FAT4: variants seen among roughly 807,000 people sequenced by gnomAD.
FAT4 encodes FAT atypical cadherin 4, also known as protocadherin Fat 4.
Under a neutral mutation model 303.9 loss-of-function variants are expected in FAT4, and 84 were observed. That is an observed-to-expected ratio of 0.28 (90% confidence interval 0.23 to 0.33). The LOEUF is 0.33. FAT4 is among the 10% of genes least tolerant of loss of function. The probability of loss-of-function intolerance (pLI) is 1.00; values close to 1 mark genes in which losing one functional copy is unlikely to be tolerated. For synonymous variants in FAT4, 2,307 were observed against 2,298.8 expected (o/e 1.00, Z -0.10); for missense variants, 6,005 against 6,146.8 (o/e 0.98, Z 0.77).
intron 2 of FAT4, among the ~76,000 whole-genome samples, chr4:125,395,446 A>T (rs2126010174): frequency 6.6e-6 from 1 of 152,106 alleles, no homozygotes; most frequent in Middle Eastern, 3.4e-3. Flanking sequence ...AGTAGCTGGG[A>T]TTACAGGTGC....
intron 11 of FAT4, among the ~76,000 whole-genome samples, chr4:125,465,158 A>G (rs1726619196): frequency 6.6e-6 from 1 of 152,220 alleles, no homozygotes; most frequent in Non-Finnish European, 1.5e-5. Context: ...AAGTTGAGGC[A>G]AAACTACCCC....
chr4:125,487,774 A>C (rs1037645941), intron 17 of FAT4, among the ~76,000 whole-genome samples, 168 bp downstream of exon 17: 6 of 152,246 alleles, frequency 3.9e-5, no homozygotes, highest in African/African-American at 1.2e-4. Flanking sequence ...TGATAATATC[A>C]ATTATAAATA....
At chr4:125,373,848 T>C (rs1733215821) in intron 2 of FAT4, among the ~76,000 whole-genome samples, 1 of 152,198 alleles carries the variant, frequency 6.6e-6, no homozygotes, top group African/African-American at 2.4e-5. Flanking sequence ...TAAAAATTAA[T>C]TGAGGGCAAG....
At chr4:125,454,244 G>A (rs1413000993) in intron 10 of FAT4, among the ~76,000 whole-genome samples, 1 of 152,110 alleles carries the variant, frequency 6.6e-6, no homozygotes, top group Non-Finnish European at 1.5e-5. Flanking sequence ...GTATACTGAT[G>A]GTTTTATATT....
At chr4:125,338,072 A>G (rs1303415592) in intron 2 of FAT4, among the ~76,000 whole-genome samples, 4 of 152,182 alleles carry the variant, frequency 2.6e-5, no homozygotes, top group Non-Finnish European at 5.9e-5. Context: ...TTGCCAGGAT[A>G]TAACATTGAG....
At position 125,317,232 on chromosome 4, in the gene FAT4, C is replaced by T. The variant is rs199605036; in HGVS notation, c.821C>T (p.Ala274Val). Reference protein sequence around the residue: ...VVGSSVLQVAAADADEGTNAD... With the variant: ...VVGSSVLQVAVADADEGTNAD... ...GGTTCCAGCGTCCTCCAGGTGGCGG[C>T]GGCGGACGCGGACGAGGGCACCAAC... is the stretch of plus-strand genomic sequence containing the variant. The change falls in exon 2 of 18, where the codon GCG (alanine) becomes GTG (valine). Residue 274 changes from alanine to valine, a missense_variant. Coordinates refer to ENST00000394329, the MANE Select transcript of FAT4 (RefSeq NM_001291303.3). This position sits in a 1 kb window ranked among gnomAD's most constrained non-coding sequence, Gnocchi z 7.0. 8.7e-5 allele frequency: 137 copies of T among 1,579,040 alleles called. No homozygotes were observed. The highest frequency in any genetic ancestry group is 1.1e-4 in the Non-Finnish European group (128 of 1,160,076).
intron 16 of FAT4, among the ~76,000 whole-genome samples, chr4:125,484,060 TACACACACACAC>T (rs34883833): frequency 2.9e-5 from 4 of 138,160 alleles, no homozygotes; most frequent in South Asian, 2.4e-4. Flanking sequence ...CAGACACACA[TACACACACACAC>T]ACACACACAC....
chr4:125,414,855 A>T, intron 5 of FAT4, 29 bp from the exon 6 acceptor site: 1 of 1,515,158 alleles, frequency 6.6e-7, no homozygotes, highest in Non-Finnish European at 9.0e-7. Context: ...CATATGTTTA[A>T]GAAAATTTTT....
At chr4:125,416,696 A>C in intron 7 of FAT4, 74 bp downstream of exon 7, 3 of 1,508,016 alleles carry the variant, frequency 2.0e-6, no homozygotes, top group South Asian at 2.5e-5. Flanking sequence ...CTGTAACCCC[A>C]GCACTTTGGG....
intron 7 of FAT4, among the ~76,000 whole-genome samples, chr4:125,419,171 A>T (rs1735185855): frequency 6.6e-6 from 1 of 152,220 alleles, no homozygotes; most frequent in South Asian, 2.1e-4. Context: ...TCAAATAGAT[A>T]AAAAGGAATA....
At chr4:125,349,080 G>T (rs1402212326) in intron 2 of FAT4, among the ~76,000 whole-genome samples, 1 of 151,616 alleles carries the variant, frequency 6.6e-6, no homozygotes, top group Non-Finnish European at 1.5e-5. Context: ...TTATCCAGAG[G>T]GGTTTAGAAG....
At chr4:125,459,628 C>T (rs1178140521) in intron 10 of FAT4, among the ~76,000 whole-genome samples, 1 of 152,010 alleles carries the variant, frequency 6.6e-6, no homozygotes, top group East Asian at 1.9e-4. Flanking sequence ...GCTGCTATGG[C>T]AGTAAACATA....
intron 2 of FAT4, among the ~76,000 whole-genome samples, chr4:125,376,091 T>G (rs1733302625): frequency 6.6e-6 from 1 of 152,248 alleles, no homozygotes; most frequent in Non-Finnish European, 1.5e-5. Context: ...ATCTAGCTAT[T>G]GCTGTGAATT....
intron 2 of FAT4, among the ~76,000 whole-genome samples, chr4:125,364,832 C>A (rs1392375153): frequency 6.6e-6 from 1 of 151,852 alleles, no homozygotes; most frequent in Non-Finnish European, 1.5e-5. Context: ...GTTCTCATAC[C>A]AAAATGAGAA....
rs764347192 is a variant in FAT4, at chr4:125,415,498, G to T, written c.6535G>T (p.Ala2179Ser). The T allele has an allele frequency of 3.1e-6, 5 of 1,613,994 alleles. No individual in the cohort carries two copies. In the African/African-American group the frequency reaches 6.7e-5, roughly 22 times the overall value. The change falls in exon 6 of 18, where the codon GCA becomes TCA. Residue 2179 changes from alanine to serine, a missense_variant. Transcript: ENST00000394329. ...AACAGATATAATACAAGTGTTCGCA[G>T]CAGATGGAGATGAAGGCACAAATGG... Reference protein sequence around the residue: ...TGTDIIQVFAADGDEGTNGQV... With the variant: ...TGTDIIQVFASDGDEGTNGQV...
chr4:125,475,908 A>G (rs1355062293), intron 12 of FAT4, among the ~76,000 whole-genome samples: 2 of 152,102 alleles, frequency 1.3e-5, no homozygotes, highest in African/African-American at 4.8e-5. Context: ...TTTCACCTAT[A>G]AAACAGGGGA....
chr4:125,455,150 A>G (rs2126064585), intron 10 of FAT4, among the ~76,000 whole-genome samples: 1 of 152,314 alleles, frequency 6.6e-6, no homozygotes, highest in Non-Finnish European at 1.5e-5. Context: ...TTTATATTCT[A>G]CATTAGTCTA....
chr4:125,491,213 A>G lies in FAT4; in HGVS notation c.14397A>G (p.Thr4799=), dbSNP rs765611120. The G allele has an allele frequency of 1.9e-6, 3 of 1,613,954 alleles. No homozygotes were observed. Among genetic ancestry groups the G allele is most frequent in the Non-Finnish European group, 2.5e-6 (3 of 1,179,994 alleles). ...TTGAAGAAGTGGAGAGGCTCAACAC[A>G]CCTCGCCCTAGAAACCCAAGTATCT... ...LSIEEVERLN[T]PRPRNPSICS... Residue 4799 remains threonine (T), a synonymous_variant, in exon 18 of 18, where the codon ACA becomes ACG. Coordinates refer to ENST00000394329, the MANE Select transcript of FAT4 (RefSeq NM_001291303.3).
In FAT4 at chr4:125,318,885, A is replaced by G. The variant is rs1429496997; in HGVS notation, c.2474A>G (p.Asn825Ser). Residue 825 changes from asparagine to serine, a missense_variant, in exon 2 of 18, where the codon AAC (asparagine) becomes AGC (serine). Asn to Ser is a conservative substitution (Grantham distance 46). Transcript: ENST00000394329. Reference sequence around the variant, plus strand: ...GCATCCACCATGGATCTCAATTCCAACATCAGTTATCTCATTACTACTGGG... The same window carrying G: ...GCATCCACCATGGATCTCAATTCCAGCATCAGTTATCTCATTACTACTGGG... ...VSASTMDLNS[N>S]ISYLITTGDQ... The G allele has an allele frequency of 2.5e-6, 4 of 1,614,110 alleles. No individual in the cohort carries two copies. The highest frequency in any genetic ancestry group is 2.7e-5 in the African/African-American group (2 of 74,950).
Sources: allele counts gnomAD v4.1 joint callset (sites outside exome capture counted in the v4.1 genomes callset), GRCh38; gene constraint gnomAD v4.1.1; non-coding constraint Gnocchi (gnomAD v3.1); transcripts MANE v1.5; gene names NCBI Gene and HGNC (gene_info 2026-07-23, HGNC 2026-07-21).